Variants in UBAP1 observed in about 807,000 individuals in gnomAD.
UBAP1 encodes the protein ubiquitin-associated protein 1.
In UBAP1, 5 loss-of-function variants were observed where a neutral mutation model predicts 39.0. The ratio of observed to expected loss-of-function variants is 0.13; its 90% CI spans 0.07 to 0.27. UBAP1 has a LOEUF of 0.27. UBAP1 is among the 10% of genes least tolerant of loss of function. The pLI, the probability that UBAP1 is intolerant of heterozygous loss-of-function variation, is 1.00. For synonymous variants in UBAP1, 211 were observed against 225.1 expected (o/e 0.94, Z 0.56); for missense variants, 490 against 608.1 (o/e 0.81, Z 2.04).
Position 34,251,378 on chromosome 9 carries a change from C to T in UBAP1, c.1369-14C>T. 1 of 1,613,862 alleles carries T rather than the reference C, an allele frequency of 6.2e-7. No individual in the cohort carries two copies. Among genetic ancestry groups the T allele is most frequent in the South Asian group, 1.1e-5 (1 of 91,050 alleles). Reference sequence around the variant, plus strand: ...CACCCTTTTCTTTAATCTGTGTTCTCTTCTCTCCCTTAGATGATGGAGTTT... The same window carrying T: ...CACCCTTTTCTTTAATCTGTGTTCTTTTCTCTCCCTTAGATGATGGAGTTT... On this transcript the variant is annotated splice_polypyrimidine_tract_variant and intron_variant, in intron 6 of 6. Coordinates refer to ENST00000297661, the MANE Select transcript of UBAP1 (RefSeq NM_016525.5).
In UBAP1 at chr9:34,226,129, G is replaced by GTGTGTGTGTGTGTGTGTT. The variant is rs1554650836; in HGVS notation, c.34+5198_34+5199insTTGTGTGTGTGTGTGTGT. On this transcript the variant is annotated intron_variant, in intron 2 of 6. Transcript: ENST00000297661. ...ATTGTGTGTGTGTGTGTGTGTGTGT[G>GTGTGTGTGTGTGTGTGTT]TGTGTGTGTGTGTGTGTGTGTGTGT... Among the ~76,000 whole-genome samples, 631 of 141,918 alleles carry GTGTGTGTGTGTGTGTGTT rather than the reference G, an allele frequency of 4.4e-3. 10 individuals are homozygous for GTGTGTGTGTGTGTGTGTT. Among genetic ancestry groups the GTGTGTGTGTGTGTGTGTT allele is most frequent in the African/African-American group, 0.016 (585 of 36,500 alleles). The allele number at this position is 141,918 out of a possible 152,430, so 93.1% of individuals were successfully genotyped here.
chr9:34,197,987 G>A (rs1477009731), intron 1 of UBAP1, among the ~76,000 whole-genome samples: 1 of 152,226 alleles, frequency 6.6e-6, no homozygotes, highest in African/African-American at 2.4e-5. Context: ...GGTTCTGGAT[G>A]GGTCAGCTGG....
intron 2 of UBAP1, among the ~76,000 whole-genome samples, chr9:34,225,162 A>G (rs972385813): frequency 6.6e-6 from 1 of 152,204 alleles, no homozygotes; most frequent in African/African-American, 2.4e-5. Flanking sequence ...TTTCTGTGGC[A>G]CTTGGGGTGT....
intron 2 of UBAP1, among the ~76,000 whole-genome samples, chr9:34,223,646 G>A (rs1030511058): frequency 5.9e-5 from 9 of 152,152 alleles, no homozygotes; most frequent in South Asian, 4.1e-4. Context: ...TAGTAGAGGC[G>A]GGGTTTTACC....
intron 3 of UBAP1, among the ~76,000 whole-genome samples, chr9:34,240,455 G>T (rs1249499348): frequency 2.0e-5 from 3 of 152,106 alleles, no homozygotes; most frequent in Non-Finnish European, 4.4e-5. Flanking sequence ...GAAAGCCAAA[G>T]ATTTTGTTTT....
chr9:34,212,500 G>A (rs1325496663), intron 1 of UBAP1, among the ~76,000 whole-genome samples: 2 of 151,202 alleles, frequency 1.3e-5, no homozygotes, highest in Non-Finnish European at 2.9e-5. Flanking sequence ...CTACTCCTAT[G>A]TTATGTGCCT....
intron 1 of UBAP1, among the ~76,000 whole-genome samples, chr9:34,195,357 G>A (rs969926231): frequency 1.3e-5 from 2 of 151,750 alleles, no homozygotes; most frequent in Non-Finnish European, 2.9e-5. Flanking sequence ...GACGTCATAT[G>A]GATGGAAGAT....
At chr9:34,241,158 C>G (rs373195168) in intron 3 of UBAP1, 27 bp from the exon 4 acceptor site, 8 of 1,407,250 alleles carry the variant, frequency 5.7e-6, no homozygotes, top group Non-Finnish European at 6.5e-6. Flanking sequence ...TGGGTTCACA[C>G]CCCCTTCCTC....
chr9:34,235,020 GAT>G (rs1833614132), intron 3 of UBAP1, among the ~76,000 whole-genome samples: 1 of 152,094 alleles, frequency 6.6e-6, no homozygotes, highest in Admixed American at 6.6e-5. Context: ...GGAAGACAGT[GAT>G]ACTGATGATC....
intron 1 of UBAP1, among the ~76,000 whole-genome samples, chr9:34,193,581 T>G (rs1033396285): frequency 6.6e-6 from 1 of 152,174 alleles, no homozygotes. Flanking sequence ...TTCATGTTGG[T>G]GTTCCCACGA....
chr9:34,225,576 G>C (rs1453979831), intron 2 of UBAP1, among the ~76,000 whole-genome samples: 1 of 151,844 alleles, frequency 6.6e-6, no homozygotes, highest in Non-Finnish European at 1.5e-5. Flanking sequence ...AGGAGATCCA[G>C]ACCATCCTGG....
intron 1 of UBAP1, among the ~76,000 whole-genome samples, chr9:34,203,713 T>G (rs1335407182): frequency 6.6e-6 from 1 of 152,240 alleles, no homozygotes; most frequent in Non-Finnish European, 1.5e-5. Context: ...CATACACATA[T>G]TTCATAAGCA....
intron 1 of UBAP1, among the ~76,000 whole-genome samples, chr9:34,217,144 G>A (rs1055448026): frequency 1.1e-4 from 16 of 152,136 alleles, no homozygotes; most frequent in Admixed American, 1.3e-4. Context: ...TCCACAGTCA[G>A]AAGTTCTTTG....
At chr9:34,241,155 A>G (rs1239451182) in intron 3 of UBAP1, 30 bp from the exon 4 acceptor site, 1 of 1,401,824 alleles carries the variant, frequency 7.1e-7, no homozygotes, top group East Asian at 2.4e-5. Flanking sequence ...ACCTGGGTTC[A>G]CACCCCCTTC....
intron 1 of UBAP1, among the ~76,000 whole-genome samples, chr9:34,212,818 C>T (rs192786850): frequency 1.3e-3 from 204 of 152,226 alleles, no homozygotes; most frequent in Middle Eastern, 6.8e-3. Context: ...CACTATTCCA[C>T]AAGATAAAGA....
intron 1 of UBAP1, among the ~76,000 whole-genome samples, chr9:34,180,208 C>T (rs1325284867): frequency 6.6e-6 from 1 of 152,090 alleles, no homozygotes; most frequent in African/African-American, 2.4e-5. Flanking sequence ...AGTTAATGTC[C>T]CAACCTAAAC....
At chr9:34,224,674 G>A (rs1832955155) in intron 2 of UBAP1, 1 of 296,928 alleles carries the variant, frequency 3.4e-6, no homozygotes, top group African/African-American at 2.2e-5. Flanking sequence ...TTAGAGTAAA[G>A]TATCCTATTT....
intron 1 of UBAP1, among the ~76,000 whole-genome samples, chr9:34,182,608 TTTCTTTCC>T (rs1304827687): frequency 2.7e-5 from 4 of 150,008 alleles, no homozygotes; most frequent in Admixed American, 6.8e-5. Context: ...TTTCTTTTTC[TTTCTTTCC>T]TTCTTTCTTT....
chr9:34,221,753 A>G (rs1832773290), intron 2 of UBAP1, among the ~76,000 whole-genome samples: 1 of 152,146 alleles, frequency 6.6e-6, no homozygotes, highest in Non-Finnish European at 1.5e-5. Context: ...TGAAATTAAG[A>G]GTTTCTCTGT....
Sources: gnomAD v4.1 joint callset for allele counts (sites outside exome capture counted in the v4.1 genomes callset) on GRCh38, gnomAD v4.1.1 for gene constraint, MANE v1.5 for transcripts, NCBI Gene and HGNC (gene_info 2026-07-23, HGNC 2026-07-21) for gene names.